The following APBB1 variants were observed in gnomAD, a reference collection of about 807,000 sequenced individuals.
APBB1 encodes amyloid beta precursor protein binding family B member 1, also known as adaptor protein FE65a2.
Under a neutral mutation model 78.4 loss-of-function variants are expected in APBB1, and 22 were observed. The observed-to-expected ratio is 0.28, with a 90% CI of 0.20 to 0.40. The LOEUF (loss-of-function observed/expected upper bound fraction) is 0.40. Ranked by LOEUF, APBB1 falls within the 10% of genes least tolerant of loss-of-function variation. APBB1 has a pLI of 1.00. For missense variants in APBB1, 749 were observed against 932.4 expected, an observed-to-expected ratio of 0.80 and a Z score of 2.56; for synonymous variants, 369 against 372.7, an observed-to-expected ratio of 0.99 and a Z score of 0.12.
chr11:6,403,963 A>T lies in APBB1; in HGVS notation c.722-141T>A. ...CACAACACAGTTCCTGCTTCTGCCT[A>T]GAGCCTATAGTCTGGAGTCACCACA... On this transcript the variant is annotated intron_variant, in intron 2 of 14. Coordinates refer to ENST00000609360, the MANE Select transcript of APBB1 (RefSeq NM_001164.5). The surrounding 1 kb of genome is among the most constrained non-coding windows in gnomAD (Gnocchi z 5.3). The T allele has an allele frequency of 1.1e-6, 1 of 927,182 alleles. No individual in the cohort carries two copies. Among genetic ancestry groups the T allele is most frequent in the Non-Finnish European group, 1.6e-6 (1 of 643,528 alleles). 57.4% of individuals were successfully genotyped at this position (927,182 alleles called of 1,614,324 possible).
At position 6,401,437 on chromosome 11, in the gene APBB1, A is replaced by T. The variant is rs1848500359; in HGVS notation, c.1504-8T>A. On this transcript the variant is annotated splice_polypyrimidine_tract_variant and splice_region_variant and intron_variant, in intron 10 of 14. Coordinates refer to ENST00000609360, the MANE Select transcript of APBB1 (RefSeq NM_001164.5). The surrounding 1 kb of genome is among the most constrained non-coding windows in gnomAD (Gnocchi z 4.5). The stretch of plus-strand genomic sequence containing the variant: ...ACGCCGTTCGGCCATGATCTGAGGA[A>T]GGAAGGGAGGCGAGGAGCCAGGGAG... 6.2e-7 allele frequency: 1 copy of T among 1,613,236 alleles called. No individual in the cohort carries two copies. Among genetic ancestry groups the T allele is most frequent in the South Asian group, 1.1e-5 (1 of 91,082 alleles).
In APBB1 at chr11:6,395,556, C is replaced by T. The variant is rs1453333478; in HGVS notation, c.2111G>A (p.Arg704Gln). 1.3e-6 allele frequency: 2 copies of T among 1,571,328 alleles called. No individual in the cohort carries two copies. The highest frequency in any genetic ancestry group is 1.7e-6 in the Non-Finnish European group (2 of 1,158,442). Reference protein sequence around the residue: ...QSLWGSLKPKRLGAHTP With the variant: ...QSLWGSLKPKQLGAHTP ...TCTTCATGGGGTATGGGCCCCCAGC[C>T]GTTTGGGCTTCAGGGAGCCCCACAG... The change falls in exon 15 of 15, where the codon CGG (arginine) becomes CAG (glutamine). Residue 704 changes from arginine (R) to glutamine (Q), a missense_variant. Coordinates refer to ENST00000609360, the MANE Select transcript of APBB1 (RefSeq NM_001164.5). The surrounding 1 kb of genome is among the most constrained non-coding windows in gnomAD (Gnocchi z 5.2).
In APBB1 at chr11:6,410,664, G is replaced by A. The variant is rs372444765; in HGVS notation, c.684C>T (p.Ser228=). Residue 228 remains serine (S), a synonymous_variant, in exon 2 of 15, where the codon TCC becomes TCT. Transcript: ENST00000609360. ...GGGAGCCATAGGAGGGGCTGCCCTG[G>A]GATAAGGTAGCCCAGCTTGAGTCCT... ...SDEDSSWATL[S]QGSPSYGSPE... 1.3e-6 allele frequency: 2 copies of A among 1,518,818 alleles called. No individual in the cohort carries two copies. Among genetic ancestry groups the A allele is most frequent in the South Asian group, 1.3e-5 (1 of 75,232 alleles). 94.1% of individuals were successfully genotyped at this position (1,518,818 alleles called of 1,614,324 possible). A position where few individuals can be genotyped will look rare whatever the true frequency, so the allele number is the denominator to read the frequency against.
chr11:6,402,116 T>C lies in APBB1; in HGVS notation c.1348A>G (p.Ile450Val). Residue 450 changes from isoleucine (I) to valine (V), a missense_variant, in exon 8 of 15, where the codon ATC (isoleucine) becomes GTC (valine). By Grantham distance (29) the Ile-to-Val change is conservative. Transcript: ENST00000609360. ...TCCCGCCCGACGCCCCACACGCGGA[T>C]GCTGATGATGGGTTGGGCGTGCAGC... ...ALLHAQPIIS[I>V]RVWGVGRDSG... 3.1e-6 allele frequency: 5 copies of C among 1,614,124 alleles called. No individual in the cohort carries two copies. Among genetic ancestry groups the C allele is most frequent in the Non-Finnish European group, 4.2e-6 (5 of 1,180,010 alleles).
intron 2 of APBB1, among the ~76,000 whole-genome samples, chr11:6,406,786 C>T (rs2134091656): frequency 6.6e-6 from 1 of 152,280 alleles, no homozygotes; most frequent in East Asian, 1.9e-4. Context: ...TGACCCATTG[C>T]CCTCTCCCCC....
In APBB1 at chr11:6,411,239, T is replaced by C. The variant is rs1340466010; in HGVS notation, c.109A>G (p.Asn37Asp). The C allele has an allele frequency of 6.2e-7, 1 of 1,607,144 alleles. No homozygotes were observed. The highest frequency in any genetic ancestry group is 1.3e-5 in the African/African-American group (1 of 74,882). ...ACAGCTGTGGCCTGCAGCTTGGCGT[T>C]GAGCAGCTGGTTGTGGGCAGCGTGC... The part of the protein sequence containing the change: ...PLHAAHNQLL[N>D]AKLQATAVGP... Residue 37 changes from asparagine to aspartate, a missense_variant, in exon 2 of 15, where the codon AAC (asparagine) becomes GAC (aspartate). Physicochemically the swap from Asn to Asp is conservative, Grantham distance 23. This residue lies in a region of APBB1 where 635 missense variants were observed against 765.0 expected (regional missense o/e 0.83). Transcript: ENST00000609360. The surrounding 1 kb of genome is among the most constrained non-coding windows in gnomAD (Gnocchi z 5.2).
rs1292161685 is a variant in APBB1 at position 6,395,990 on chromosome 11, G to C, written c.1789-28C>G. ...GCATGGAGGGAACTCAGTTAAAAAGGAACACCAACCCCACACTGTGTTCCA... is the reference window on the plus strand; with the variant it reads ...GCATGGAGGGAACTCAGTTAAAAAGCAACACCAACCCCACACTGTGTTCCA... On this transcript the variant is annotated intron_variant, in intron 13 of 14. Transcript: ENST00000609360. The surrounding 1 kb of genome is among the most constrained non-coding windows in gnomAD (Gnocchi z 5.2). The C allele has an allele frequency of 6.2e-7, 1 of 1,609,956 alleles. No individual in the cohort carries two copies. The highest frequency in any genetic ancestry group is 1.3e-5 in the African/African-American group (1 of 74,812).
Position 6,419,019 on chromosome 11 carries a change from G to A in APBB1, c.-49C>T, listed in dbSNP as rs546840020. ...GAGGCCCCGGGCCCAGATGACGGAG[G>A]TGGCTCAGGCTGCGGGGTTCGGGCT... On this transcript the variant is annotated 5_prime_UTR_variant, in exon 1 of 15. Transcript: ENST00000609360. 18 of 393,710 alleles carry A rather than the reference G, an allele frequency of 4.6e-5. No individual in the cohort carries two copies. Among genetic ancestry groups the A allele is most frequent in the African/African-American group, 3.1e-4 (15 of 48,448 alleles). 24.4% of individuals were successfully genotyped at this position (393,710 alleles called of 1,614,324 possible). A position where few individuals can be genotyped will look rare whatever the true frequency, so the allele number is the denominator to read the frequency against.
At position 6,402,744 on chromosome 11, in the gene APBB1, G is replaced by A. The variant is rs1391833977; in HGVS notation, c.1105-19C>T. 5.6e-6 allele frequency: 9 copies of A among 1,613,848 alleles called. No homozygotes were observed. The highest frequency in any genetic ancestry group is 7.6e-6 in the Non-Finnish European group (9 of 1,179,864). On this transcript the variant is annotated intron_variant, in intron 6 of 14. Coordinates refer to ENST00000609360, the MANE Select transcript of APBB1 (RefSeq NM_001164.5). ...CGAAACACTGCCAGACACAGAAGAG[G>A]GGCAGGAGGTAGAGGATCTGAGTCA...
At chr11:6,402,059 C>G (rs757658996) in intron 8 of APBB1, 23 bp downstream of exon 8, 1 of 1,612,402 alleles carries the variant, frequency 6.2e-7, no homozygotes, top group Non-Finnish European at 8.5e-7. Context: ...CTCCCACCCT[C>G]GAATCCCAAG....
Position 6,411,336 on chromosome 11 carries a change from T to C in APBB1, c.12A>G (p.Pro4=), listed in dbSNP as rs759578371. 3.2e-6 allele frequency: 5 copies of C among 1,543,586 alleles called. No homozygotes were observed. Among genetic ancestry groups the C allele is most frequent in the South Asian group, 1.3e-5 (1 of 78,928 alleles). MSV[P]SSLSQSAINA... ...TAATGGCCGACTGGCTCAGTGATGA[T>C]GGAACAGACATGGCCTTGGCAGCTC... Residue 4 remains proline (P), a synonymous_variant, in exon 2 of 15, where the codon CCA becomes CCG. Transcript: ENST00000609360. This position sits in a 1 kb window ranked among gnomAD's most constrained non-coding sequence, Gnocchi z 5.2.
chr11:6,401,792 T>A lies in APBB1; in HGVS notation c.1389-104A>T, dbSNP rs1848527970. 6.8e-7 allele frequency: 1 copy of A among 1,471,680 alleles called. No individual in the cohort carries two copies. The highest frequency in any genetic ancestry group is 1.8e-5 in the Admixed American group (1 of 56,216). 91.2% of individuals were successfully genotyped at this position (1,471,680 alleles called of 1,614,324 possible). A position where few individuals can be genotyped will look rare whatever the true frequency, so the allele number is the denominator to read the frequency against. On this transcript the variant is annotated intron_variant, in intron 9 of 14. Transcript: ENST00000609360. This position sits in a 1 kb window ranked among gnomAD's most constrained non-coding sequence, Gnocchi z 4.5. Reference sequence around the variant, plus strand: ...CTGCCCATCACAGCTCCTCCAGGGCTTCTGCCCACAGCTGGTCCCCCATAG... The same window carrying A: ...CTGCCCATCACAGCTCCTCCAGGGCATCTGCCCACAGCTGGTCCCCCATAG...
intron 2 of APBB1, among the ~76,000 whole-genome samples, chr11:6,407,228 C>T (rs1236066504): frequency 1.3e-5 from 2 of 152,152 alleles, no homozygotes; most frequent in African/African-American, 4.8e-5. Flanking sequence ...CACCTCTATC[C>T]TCAATTCACA....
rs367697455 is a variant in APBB1 at position 6,401,912 on chromosome 11, G to A, written c.1388+65C>T. On this transcript the variant is annotated intron_variant, in intron 9 of 14. Coordinates refer to ENST00000609360, the MANE Select transcript of APBB1 (RefSeq NM_001164.5). The surrounding 1 kb of genome is among the most constrained non-coding windows in gnomAD (Gnocchi z 4.5). The stretch of plus-strand genomic sequence containing the variant: ...GCGGGTGGGAAGGGGCAGGGCAGAA[G>A]AGGGGAGCTTGGGTGCTTCCAGGCA... 2.1e-5 allele frequency: 32 copies of A among 1,552,786 alleles called. No homozygotes were observed. In the African/African-American group the frequency reaches 3.5e-4, roughly 17 times the overall value.
rs1278062591 is a variant in APBB1, at chr11:6,402,709, G to C, written c.1121C>G (p.Ser374Cys). 2 of 1,614,028 alleles carry C rather than the reference G, an allele frequency of 1.2e-6. No individual in the cohort carries two copies. The highest frequency in any genetic ancestry group is 1.7e-5 in the Admixed American group (1 of 59,992). The change falls in exon 7 of 15, where the codon TCC becomes TGC. Residue 374 changes from serine (S) to cysteine (C), a missense_variant. Coordinates refer to ENST00000609360, the MANE Select transcript of APBB1 (RefSeq NM_001164.5). ...NPGIKCFAVRSLGWVEMTEEE... is the reference protein window; with the variant it reads ...NPGIKCFAVRCLGWVEMTEEE... The stretch of plus-strand genomic sequence containing the variant: ...CTCGGTCATCTCTACCCAGCCTAGG[G>C]AGCGCACGGCGAAACACTGCCAGAC...
Position 6,403,917 on chromosome 11 carries a change from G to A in APBB1, c.722-95C>T, listed in dbSNP as rs1417228766. The A allele has an allele frequency of 3.7e-6, 5 of 1,366,664 alleles. No homozygotes were observed. The highest frequency in any genetic ancestry group is 4.9e-6 in the Non-Finnish European group (5 of 1,010,330). The allele number at this position is 1,366,664 out of a possible 1,614,324, so 84.7% of individuals were successfully genotyped here. On this transcript the variant is annotated intron_variant, in intron 2 of 14. Transcript: ENST00000609360. The surrounding 1 kb of genome is among the most constrained non-coding windows in gnomAD (Gnocchi z 5.3). ...CCCTCTGAGACCCCATGGTTGAGAA[G>A]GGGTGGTGGAAGAGCTATACCACAA...
chr11:6,402,952 C>A (rs1348034835), intron 6 of APBB1, among the ~76,000 whole-genome samples, 193 bp downstream of exon 6: 1 of 152,076 alleles, frequency 6.6e-6, no homozygotes, highest in East Asian at 1.9e-4. Flanking sequence ...GGGCCCCCAA[C>A]CTGGCTGTTG....
intron 1 of APBB1, among the ~76,000 whole-genome samples, chr11:6,418,465 A>C (rs1214989872): frequency 6.6e-6 from 1 of 152,248 alleles, no homozygotes; most frequent in East Asian, 1.9e-4. Flanking sequence ...GGCCGATACA[A>C]AACAGGTTAG....
rs747237505 is a variant in APBB1, at chr11:6,395,744, A to C, written c.1965+42T>G. 3 of 1,604,886 alleles carry C rather than the reference A, an allele frequency of 1.9e-6. No individual in the cohort carries two copies. The highest frequency in any genetic ancestry group is 1.4e-5 in the African/African-American group (1 of 74,012). On this transcript the variant is annotated intron_variant, in intron 14 of 14. Coordinates refer to ENST00000609360, the MANE Select transcript of APBB1 (RefSeq NM_001164.5). The surrounding 1 kb of genome is among the most constrained non-coding windows in gnomAD (Gnocchi z 5.2). ...GCAGTCACTCCCCAGCCTACCTCCC[A>C]TGGGGCCACGCCACCACCACACCAC... is the stretch of plus-strand genomic sequence containing the variant.
Sources: allele counts gnomAD v4.1 joint callset (sites outside exome capture counted in the v4.1 genomes callset), GRCh38; gene constraint gnomAD v4.1.1; regional missense constraint gnomAD v4.1.1; non-coding constraint Gnocchi (gnomAD v3.1); transcripts MANE v1.5; gene names NCBI Gene and HGNC (gene_info 2026-07-23, HGNC 2026-07-21).